Variants in ANO6 observed in about 807,000 individuals in gnomAD.
ANO6 encodes the protein anoctamin-6.
ANO6 carries 106 observed loss-of-function variants against 117.5 expected under a neutral mutation model. That is an observed-to-expected ratio of 0.90 (90% CI 0.77 to 1.06). The LOEUF (loss-of-function observed/expected upper bound fraction) is 1.06. Ranked by LOEUF, ANO6 falls within the 50% of genes least tolerant of loss-of-function variation. ANO6 has a pLI of 0.00. For missense variants in ANO6, 955 were observed against 1,121.1 expected (o/e 0.85, Z 2.12); for synonymous variants, 367 against 385.1 (o/e 0.95, Z 0.55).
At chr12:45,350,332 A>G (rs73281508) in intron 6 of ANO6, among the ~76,000 whole-genome samples, 1 of 152,006 alleles carries the variant, frequency 6.6e-6, no homozygotes, top group Non-Finnish European at 1.5e-5. Context: ...TGATTTGGGC[A>G]CTTGGGTGGC....
At chr12:45,390,241 C>T (rs7300091) in intron 11 of ANO6, among the ~76,000 whole-genome samples, 180 bp from the exon 12 acceptor site, 2,746 of 152,276 alleles carry the variant, frequency 0.018, 79 homozygotes, top group African/African-American at 0.062. Context: ...GAACACTGCA[C>T]ATGTTTTGTG....
chr12:45,252,335 T>C (rs1937648330), intron 1 of ANO6, among the ~76,000 whole-genome samples: 1 of 152,240 alleles, frequency 6.6e-6, no homozygotes, highest in Admixed American at 6.5e-5. Context: ...TGGAGACTTG[T>C]ATTTATCCTC....
intron 1 of ANO6, among the ~76,000 whole-genome samples, chr12:45,263,318 C>G (rs1270930848): frequency 6.6e-6 from 1 of 151,250 alleles, no homozygotes; most frequent in East Asian, 1.9e-4. Context: ...GATTCTCTCA[C>G]CTCAGCCTCC....
chr12:45,221,122 A>G (rs867156141), intron 1 of ANO6, among the ~76,000 whole-genome samples: 1 of 151,994 alleles, frequency 6.6e-6, no homozygotes, highest in Non-Finnish European at 1.5e-5. Flanking sequence ...CTGCAGGTGG[A>G]TAGTATCCGA....
chr12:45,436,093 GGCCC>G (rs1943704543), downstream of ANO6, among the ~76,000 whole-genome samples: 2 of 152,088 alleles, frequency 1.3e-5, no homozygotes. Flanking sequence ...TCTAACAATT[GGCCC>G]AGTATGACCA....
Position 45,416,834 on chromosome 12 carries a change from A to C in ANO6, c.2147A>C (p.Glu716Ala). Reference protein sequence around the residue: ...LTTQFRRLVPEKAQDIGAWQP... With the variant: ...LTTQFRRLVPAKAQDIGAWQP... ...ACCCAGTTTAGACGCCTGGTACCAG[A>C]GAAAGCCCAAGACATTGGAGCATGG... Residue 716 changes from glutamate (E) to alanine (A), a missense_variant, in exon 17 of 20, where the codon GAG becomes GCG. Physicochemically the swap from Glu to Ala is moderately radical, Grantham distance 107. Coordinates refer to ENST00000320560, the MANE Select transcript of ANO6 (RefSeq NM_001025356.3). 1 of 1,614,188 alleles carries C rather than the reference A, an allele frequency of 6.2e-7. No homozygotes were observed.
chr12:45,422,833 CA>C (rs1943400497), intron 18 of ANO6, 123 bp from the exon 19 acceptor site: 1 of 773,546 alleles, frequency 1.3e-6, no homozygotes, highest in African/African-American at 1.7e-5. Context: ...CTCAGCCTCC[CA>C]AAGTGCTAGG....
chr12:45,405,172 G>A (rs1452181781), intron 15 of ANO6, among the ~76,000 whole-genome samples: 1 of 151,730 alleles, frequency 6.6e-6, no homozygotes, highest in Non-Finnish European at 1.5e-5. Flanking sequence ...TTCCAGATAA[G>A]TAAAAGTAGG....
chr12:45,412,815 C>T (rs922940615), intron 16 of ANO6, among the ~76,000 whole-genome samples: 2 of 152,198 alleles, frequency 1.3e-5, no homozygotes, highest in Admixed American at 6.5e-5. Context: ...CGGAGCTCAG[C>T]GCTTGGTGCA....
intron 3 of ANO6, 116 bp from the exon 4 acceptor site, chr12:45,346,906 A>G: frequency 1.1e-6 from 1 of 904,410 alleles, no homozygotes; most frequent in Non-Finnish European, 1.8e-6. Context: ...ATGCTGATGC[A>G]TTTCTTTTTC....
intron 12 of ANO6, among the ~76,000 whole-genome samples, chr12:45,393,202 A>C (rs1942504957): frequency 6.6e-6 from 1 of 152,224 alleles, no homozygotes; most frequent in Non-Finnish European, 1.5e-5. Flanking sequence ...TGTTGCATGC[A>C]CAAGCTTCAG....
intron 2 of ANO6, among the ~76,000 whole-genome samples, chr12:45,330,944 C>T (rs1335517113): frequency 6.6e-6 from 1 of 151,878 alleles, no homozygotes; most frequent in Non-Finnish European, 1.5e-5. Flanking sequence ...AAATAAACTT[C>T]ACTCCCTTGG....
rs933073715 is a variant in ANO6, at chr12:45,431,142, C to T, written c.*1831C>T. ...ACCCCATTTCACTGTCTCTCTTGATCGTGTTAATGATGCAATCAGAGTTCA... is the reference window on the plus strand; with the variant it reads ...ACCCCATTTCACTGTCTCTCTTGATTGTGTTAATGATGCAATCAGAGTTCA... On this transcript the variant is annotated 3_prime_UTR_variant, in exon 20 of 20. Transcript: ENST00000320560. The T allele has an allele frequency of 2.0e-6, 2 of 985,158 alleles. No homozygotes were observed. Among genetic ancestry groups the T allele is most frequent in the African/African-American group, 1.7e-5 (1 of 57,202 alleles). 61.0% of individuals were successfully genotyped at this position (985,158 alleles called of 1,614,324 possible). A position where few individuals can be genotyped will look rare whatever the true frequency, so the allele number is the denominator to read the frequency against.
chr12:45,421,810 T>C (rs1463528306), intron 18 of ANO6, among the ~76,000 whole-genome samples: 1 of 152,242 alleles, frequency 6.6e-6, no homozygotes, highest in African/African-American at 2.4e-5. Flanking sequence ...CAAAGTTCTC[T>C]GCATCGATTT....
chr12:45,346,143 G>A (rs183955032), intron 3 of ANO6, among the ~76,000 whole-genome samples: 1 of 152,212 alleles, frequency 6.6e-6, no homozygotes, highest in East Asian at 1.9e-4. Context: ...TGTTGCATTG[G>A]GGATTAAGTT....
intron 1 of ANO6, among the ~76,000 whole-genome samples, chr12:45,225,997 AT>A (rs201623656): frequency 2.0e-5 from 3 of 151,602 alleles, no homozygotes; most frequent in Admixed American, 6.6e-5. Context: ...TTATGACATT[AT>A]TTTTTTTTCT....
chr12:45,421,192 T>C lies in ANO6; in HGVS notation c.2339T>C (p.Leu780Pro), dbSNP rs1190471722. The C allele has an allele frequency of 1.9e-6, 3 of 1,613,962 alleles. No homozygotes were observed. The highest frequency in any genetic ancestry group is 1.3e-5 in the African/African-American group (1 of 74,890). The stretch of plus-strand genomic sequence containing the variant: ...ATGGAAGGGTACATCAACAACACTC[T>C]CTCCATCTTCAAAGTCGCAGACTTC... ...YTMEGYINNT[L>P]SIFKVADFKN... is the part of the protein sequence containing the mutation. The change falls in exon 18 of 20, where the codon CTC (leucine) becomes CCC (proline). Residue 780 changes from leucine to proline, a missense_variant. Transcript: ENST00000320560.
intron 1 of ANO6, among the ~76,000 whole-genome samples, chr12:45,254,426 G>T (rs540915355): frequency 6.0e-4 from 92 of 152,316 alleles, no homozygotes; most frequent in Middle Eastern, 3.4e-3. Context: ...CTTTGGCTCA[G>T]TGAAGGTAAT....
chr12:45,237,209 T>G (rs1446865951), intron 1 of ANO6, among the ~76,000 whole-genome samples: 1 of 152,268 alleles, frequency 6.6e-6, no homozygotes, highest in Non-Finnish European at 1.5e-5. Context: ...TCTTTCACTG[T>G]GCAGAAGCTC....
Sources: gnomAD v4.1 joint callset for allele counts (sites outside exome capture counted in the v4.1 genomes callset) on GRCh38, gnomAD v4.1.1 for gene constraint, MANE v1.5 for transcripts, NCBI Gene and HGNC (gene_info 2026-07-23, HGNC 2026-07-21) for gene names.